AGMO: variants seen among roughly 807,000 people sequenced by gnomAD.
AGMO encodes alkylglycerol monooxygenase.
Under a neutral mutation model 60.2 loss-of-function variants are expected in AGMO, and 75 were observed. That is an observed-to-expected ratio of 1.25 (90% CI 1.03 to 1.51). The LOEUF is 1.51. Ranked by LOEUF, AGMO falls within the 40% of genes most tolerant of loss-of-function variation. AGMO has a pLI of 0.00. For missense variants in AGMO, 763 were observed against 525.5 expected (o/e 1.45, Z -4.42); for synonymous variants, 261 against 177.1 (o/e 1.47, Z -3.76).
chr7:15,384,579 TTA>T (rs1783835706), intron 10 of AGMO, among the ~76,000 whole-genome samples: 1 of 152,182 alleles, frequency 6.6e-6, no homozygotes, highest in African/African-American at 2.4e-5. Context: ...AATATAACTA[TTA>T]TTCAGAGTTA....
intron 12 of AGMO, among the ~76,000 whole-genome samples, chr7:15,288,945 G>T (rs931599969): frequency 6.6e-6 from 1 of 151,742 alleles, no homozygotes; most frequent in Non-Finnish European, 1.5e-5. Flanking sequence ...TCCTAAACCT[G>T]GGAGTTGATC....
At chr7:15,264,135 G>A (rs888039072) in intron 12 of AGMO, among the ~76,000 whole-genome samples, 35 of 151,924 alleles carry the variant, frequency 2.3e-4, no homozygotes, top group African/African-American at 8.4e-4. Context: ...AAATATTTTA[G>A]TGTCATATTT....
chr7:15,346,852 TAGTA>T (rs10611889), intron 12 of AGMO, among the ~76,000 whole-genome samples: 33,588 of 151,624 alleles, frequency 0.22, 4,134 homozygotes, highest in East Asian at 0.47. Context: ...TTTAAATTAG[TAGTA>T]AGTAACTATT....
intron 5 of AGMO, among the ~76,000 whole-genome samples, chr7:15,400,412 G>C (rs1462314379): frequency 6.6e-6 from 1 of 152,152 alleles, no homozygotes; most frequent in Non-Finnish European, 1.5e-5. Context: ...CCCACAGTAA[G>C]AATTATCTGG....
chr7:15,249,933 G>A (rs1782883253), intron 12 of AGMO, among the ~76,000 whole-genome samples: 1 of 152,224 alleles, frequency 6.6e-6, no homozygotes, highest in East Asian at 1.9e-4. Context: ...CTAAAGAAAG[G>A]TTTTAAATCT....
chr7:15,307,370 T>A (rs896252606), intron 12 of AGMO, among the ~76,000 whole-genome samples: 1 of 152,046 alleles, frequency 6.6e-6, no homozygotes, highest in Non-Finnish European at 1.5e-5. Context: ...CTTATAAATA[T>A]AGTTCAAAAT....
At chr7:15,227,989 C>A (rs1275223655) in intron 12 of AGMO, among the ~76,000 whole-genome samples, 1 of 152,060 alleles carries the variant, frequency 6.6e-6, no homozygotes, top group Non-Finnish European at 1.5e-5. Context: ...ACTGACTGCC[C>A]ATGTTGCTGG....
At chr7:15,260,750 C>G (rs10232074) in intron 12 of AGMO, among the ~76,000 whole-genome samples, 52,199 of 151,718 alleles carry the variant, frequency 0.34, 11,842 homozygotes, top group African/African-American at 0.65. Context: ...GTTCAAGGTA[C>G]ATCATATGAT....
intron 3 of AGMO, among the ~76,000 whole-genome samples, chr7:15,522,848 G>T (rs534859741): frequency 6.6e-6 from 1 of 152,194 alleles, no homozygotes; most frequent in South Asian, 2.1e-4. Flanking sequence ...TGACAAATGG[G>T]ATCTAATTAA....
chr7:15,147,925 A>G, the AGMO span, among the ~76,000 whole-genome samples: 1 of 152,200 alleles, frequency 6.6e-6, no homozygotes, highest in East Asian at 1.9e-4. Flanking sequence ...CTATTATTCA[A>G]TATAAAATAT....
Position 15,561,997 on chromosome 7 carries a change from G to C in AGMO, c.-152C>G. ...AGCTCCACTGAGAGCACACTCAACA[G>C]CCGATTCTGTGTAGAGAGACAGGAA... is the stretch of plus-strand genomic sequence containing the variant. On this transcript the variant is annotated 5_prime_UTR_variant, in exon 1 of 13. Transcript: ENST00000342526. The C allele has an allele frequency of 3.0e-6, 2 of 660,424 alleles. No homozygotes were observed. The highest frequency in any genetic ancestry group is 5.8e-5 in the East Asian group (2 of 34,396). 40.9% of individuals were successfully genotyped at this position (660,424 alleles called of 1,614,324 possible).
the AGMO span, among the ~76,000 whole-genome samples, chr7:15,130,449 C>T: frequency 1.3e-5 from 2 of 152,010 alleles, no homozygotes; most frequent in African/African-American, 4.8e-5. Context: ...TTTCTCCACT[C>T]CTCACTCTCC....
downstream of AGMO, among the ~76,000 whole-genome samples, chr7:15,197,626 T>C (rs941496028): frequency 6.6e-6 from 1 of 152,226 alleles, no homozygotes; most frequent in East Asian, 1.9e-4. Flanking sequence ...TGACAAGTCC[T>C]GTAGCCTCTT....
chr7:15,176,438 T>C, the AGMO span, among the ~76,000 whole-genome samples: 1 of 151,960 alleles, frequency 6.6e-6, no homozygotes, highest in Non-Finnish European at 1.5e-5. Context: ...AGAAAGGATA[T>C]TTTATACAAT....
chr7:15,316,307 C>G (rs534069774), intron 12 of AGMO, among the ~76,000 whole-genome samples: 1 of 152,290 alleles, frequency 6.6e-6, no homozygotes, highest in Admixed American at 6.5e-5. Context: ...TCCACTGCAG[C>G]TGATGTAGGG....
At chr7:15,390,645 G>C in intron 8 of AGMO, 26 bp downstream of exon 8, 1 of 1,483,972 alleles carries the variant, frequency 6.7e-7, no homozygotes, top group Non-Finnish European at 9.3e-7. Context: ...TATAAATGAA[G>C]AAAGAATAAA....
chr7:15,275,117 G>C (rs764108335), intron 12 of AGMO, among the ~76,000 whole-genome samples: 9 of 151,908 alleles, frequency 5.9e-5, no homozygotes, highest in Non-Finnish European at 4.4e-5. Context: ...TGATTTCACA[G>C]TTTCTGGAGG....
At chr7:15,347,767 A>T (rs1432528144) in intron 12 of AGMO, among the ~76,000 whole-genome samples, 2 of 152,084 alleles carry the variant, frequency 1.3e-5, no homozygotes, top group Admixed American at 1.3e-4. Context: ...AGCAAAGTAT[A>T]GACAAGTGTT....
intron 6 of AGMO, among the ~76,000 whole-genome samples, chr7:15,392,153 T>G (rs985527071): frequency 2.0e-5 from 3 of 152,006 alleles, no homozygotes; most frequent in Non-Finnish European, 4.4e-5. Context: ...CACTGCAAGC[T>G]CTGCCTCCCG....
Sources: allele counts gnomAD v4.1 joint callset (sites outside exome capture counted in the v4.1 genomes callset), GRCh38; gene constraint gnomAD v4.1.1; transcripts MANE v1.5; gene names NCBI Gene and HGNC (gene_info 2026-07-23, HGNC 2026-07-21).